Variants in PSD3 observed in about 807,000 individuals in gnomAD.
PSD3 encodes PH and SEC7 domain-containing protein 3.
In PSD3, 49 loss-of-function variants were observed where a neutral mutation model predicts 105.5. The ratio of observed to expected loss-of-function variants is 0.46; its 90% CI spans 0.37 to 0.59. The LOEUF is 0.59. Ranked by LOEUF, PSD3 falls within the 20% of genes least tolerant of loss-of-function variation. The pLI, the probability that PSD3 is intolerant of heterozygous loss-of-function variation, is 0.00. For synonymous variants in PSD3, 557 were observed against 457.8 expected, an observed-to-expected ratio of 1.22 and a Z score of -2.77; for missense variants, 1,561 against 1,263.8, an observed-to-expected ratio of 1.24 and a Z score of -3.57.
chr8:18,671,551 C>A (rs954302056), intron 9 of PSD3, among the ~76,000 whole-genome samples: 1 of 152,096 alleles, frequency 6.6e-6, no homozygotes, highest in Admixed American at 6.5e-5. Context: ...TATTCCACAG[C>A]AGATTTAACT....
intron 11 of PSD3, among the ~76,000 whole-genome samples, chr8:18,628,577 TA>T (rs1228721133): frequency 6.6e-6 from 1 of 151,354 alleles, no homozygotes; most frequent in African/African-American, 2.4e-5. Flanking sequence ...TATGTGGGGG[TA>T]AAAGTAAAAA....
intron 4 of PSD3, among the ~76,000 whole-genome samples, chr8:18,834,215 A>T (rs1267407375): frequency 6.6e-6 from 1 of 152,186 alleles, no homozygotes; most frequent in Non-Finnish European, 1.5e-5. Flanking sequence ...CTCATAAAGA[A>T]GGTATTTCTA....
chr8:18,844,912 G>A (rs1814959270), intron 4 of PSD3, among the ~76,000 whole-genome samples: 1 of 152,160 alleles, frequency 6.6e-6, no homozygotes, highest in Non-Finnish European at 1.5e-5. Context: ...TTCATACAAA[G>A]CTGGTTACAA....
intron 11 of PSD3, among the ~76,000 whole-genome samples, chr8:18,627,321 G>C (rs144588137): frequency 6.6e-6 from 1 of 151,922 alleles, no homozygotes; most frequent in Non-Finnish European, 1.5e-5. Context: ...TTGTAGAGCT[G>C]CGTAAAACAG....
At chr8:18,590,874 T>C (rs1585321236) in intron 12 of PSD3, among the ~76,000 whole-genome samples, 1 of 152,258 alleles carries the variant, frequency 6.6e-6, no homozygotes, top group East Asian at 1.9e-4. Context: ...CAAAAATGTT[T>C]CTAAAAAACT....
Position 18,919,272 on chromosome 8 carries a change from C to T in PSD3, c.130+16762G>A, listed in dbSNP as rs139206137. 5.3e-5 allele frequency among the ~76,000 whole-genome samples: 8 copies of T among 152,204 alleles called. No individual in the cohort carries two copies. In the East Asian group the frequency reaches 1.6e-3, roughly 29 times the overall value. On this transcript the variant is annotated intron_variant, in intron 2 of 15. Coordinates refer to ENST00000327040, the MANE Select transcript of PSD3 (RefSeq NM_015310.4). ...AGAAACGCCAGCCAGGAAGGAGTTT[C>T]GTATCTCTGCTTTATCTCAGAAATC...
At chr8:19,042,111 T>C (rs1209997176) in intron 1 of PSD3, among the ~76,000 whole-genome samples, 1 of 152,282 alleles carries the variant, frequency 6.6e-6, no homozygotes, top group South Asian at 2.1e-4. Context: ...ACAAAACTGA[T>C]GAGAAACAGC....
intron 14 of PSD3, among the ~76,000 whole-genome samples, chr8:18,561,130 G>A (rs7015075): frequency 0.07 from 10,677 of 152,192 alleles, 853 homozygotes; most frequent in African/African-American, 0.19. Context: ...AAAAGATGTG[G>A]CATTCTCATG....
At chr8:18,997,773 C>T (rs869277717) in intron 1 of PSD3, among the ~76,000 whole-genome samples, 1 of 151,564 alleles carries the variant, frequency 6.6e-6, no homozygotes, top group African/African-American at 2.4e-5. Flanking sequence ...TCCCGGTGCA[C>T]TTACCTTCCT....
At chr8:18,851,209 C>T (rs960127007) in intron 4 of PSD3, among the ~76,000 whole-genome samples, 1 of 152,150 alleles carries the variant, frequency 6.6e-6, no homozygotes, top group Admixed American at 6.6e-5. Flanking sequence ...CACAATAGTC[C>T]CATCTTGCAA....
intron 11 of PSD3, among the ~76,000 whole-genome samples, chr8:18,627,230 A>G (rs1260642392): frequency 6.6e-6 from 1 of 152,084 alleles, no homozygotes; most frequent in Non-Finnish European, 1.5e-5. Flanking sequence ...CCTGTGAGTC[A>G]TGCTGAGTTG....
chr8:18,653,542 G>A (rs1023043755), intron 10 of PSD3, among the ~76,000 whole-genome samples: 9 of 152,048 alleles, frequency 5.9e-5, no homozygotes, highest in African/African-American at 2.2e-4. Flanking sequence ...AGGTTAACTT[G>A]GTCAGTGAAC....
chr8:18,671,856 C>T (rs370465432), intron 9 of PSD3, among the ~76,000 whole-genome samples: 2 of 152,102 alleles, frequency 1.3e-5, no homozygotes, highest in Admixed American at 1.3e-4. Flanking sequence ...TGGTCTCGAT[C>T]TCCTGACCTT....
intron 10 of PSD3, among the ~76,000 whole-genome samples, chr8:18,642,614 T>C (rs1167427395): frequency 6.6e-6 from 1 of 152,296 alleles, no homozygotes; most frequent in East Asian, 1.9e-4. Context: ...TTAGGACAAG[T>C]AGGCTACTAA....
chr8:18,924,967 T>C (rs1229163227), intron 2 of PSD3, among the ~76,000 whole-genome samples: 3 of 152,208 alleles, frequency 2.0e-5, no homozygotes, highest in Non-Finnish European at 2.9e-5. Context: ...ATAAGAGATA[T>C]AGATAACTGG....
chr8:18,747,007 T>C (rs949108007), intron 9 of PSD3, among the ~76,000 whole-genome samples: 3 of 152,258 alleles, frequency 2.0e-5, no homozygotes, highest in African/African-American at 7.2e-5. Flanking sequence ...TCTCTCTACC[T>C]GTGTATGCAT....
At chr8:18,605,149 A>G (rs1385583813) in intron 11 of PSD3, among the ~76,000 whole-genome samples, 1 of 152,158 alleles carries the variant, frequency 6.6e-6, no homozygotes, top group Non-Finnish European at 1.5e-5. Context: ...AGCTTGCACC[A>G]TATATGCCTG....
At chr8:18,907,756 A>C (rs1819941652) in intron 2 of PSD3, among the ~76,000 whole-genome samples, 3 of 152,222 alleles carry the variant, frequency 2.0e-5, no homozygotes, top group Admixed American at 2.0e-4. Context: ...GCAGCACATG[A>C]CTGTACCAAC....
intron 2 of PSD3, among the ~76,000 whole-genome samples, chr8:18,933,682 G>A (rs2129468841): frequency 6.6e-6 from 1 of 152,238 alleles, no homozygotes; most frequent in East Asian, 1.9e-4. Flanking sequence ...TGGCCAGGCT[G>A]GTCTCAAACT....
Sources: gnomAD v4.1 joint callset for allele counts (sites outside exome capture counted in the v4.1 genomes callset) on GRCh38, gnomAD v4.1.1 for gene constraint, MANE v1.5 for transcripts, NCBI Gene and HGNC (gene_info 2026-07-23, HGNC 2026-07-21) for gene names.